Variants in MINDY3 observed in about 807,000 individuals in gnomAD.
The protein encoded by MINDY3 is MINDY lysine 48 deubiquitinase 3.
A neutral mutation model predicts 69.2 loss-of-function variants in MINDY3; 38 were observed. The observed-to-expected ratio is 0.55, with a 90% CI of 0.42 to 0.72. The LOEUF (loss-of-function observed/expected upper bound fraction) is 0.72, where lower values mean the gene tolerates loss of function less well. MINDY3 is among the 30% of genes least tolerant of loss of function. The probability of loss-of-function intolerance (pLI) is 0.00; values close to 1 mark genes in which losing one functional copy is unlikely to be tolerated. For missense variants in MINDY3, 522 were observed against 519.0 expected (o/e 1.01, Z -0.06); for synonymous variants, 192 against 180.1 (o/e 1.07, Z -0.53).
intron 13 of MINDY3, among the ~76,000 whole-genome samples, chr10:15,783,311 G>A (rs898753908): frequency 3.9e-5 from 6 of 152,124 alleles, no homozygotes; most frequent in Non-Finnish European, 7.4e-5. Flanking sequence ...TCTGTGACCT[G>A]CAATCATGAG....
chr10:15,795,928 G>C (rs1837786698), intron 11 of MINDY3, among the ~76,000 whole-genome samples, 172 bp downstream of exon 11: 1 of 151,966 alleles, frequency 6.6e-6, no homozygotes, highest in South Asian at 2.1e-4. Flanking sequence ...AAGGACTTGT[G>C]TGCTATTTCA....
chr10:15,782,787 G>A (rs573292476), intron 13 of MINDY3, among the ~76,000 whole-genome samples: 2 of 152,226 alleles, frequency 1.3e-5, no homozygotes, highest in East Asian at 1.9e-4. Context: ...TGCTTAAGGC[G>A]ATTTCAGTAA....
intron 10 of MINDY3, among the ~76,000 whole-genome samples, chr10:15,804,610 T>C (rs1033652557): frequency 2.6e-5 from 4 of 152,110 alleles, no homozygotes; most frequent in Non-Finnish European, 4.4e-5. Flanking sequence ...GCAGACAACA[T>C]ATTATAGTGT....
chr10:15,841,716 G>A, intron 3 of MINDY3, 117 bp from the exon 4 acceptor site: 1 of 546,996 alleles, frequency 1.8e-6, no homozygotes. Context: ...TAAAAATGGG[G>A]GAAAAATCTC....
In MINDY3 at chr10:15,793,024, G is replaced by A. The variant is rs536742107; in HGVS notation, c.955+3076C>T. Among the ~76,000 whole-genome samples the A allele has an allele frequency of 1.2e-4, 18 of 152,254 alleles. No homozygotes were observed. In the South Asian group the frequency reaches 3.5e-3, roughly 30 times the overall value. ...TCCAACATCACACAGCTAGTGAGGC[G>A]TAACGGATGGAGCCATTTTCCTGGT... On this transcript the variant is annotated intron_variant, in intron 11 of 14. Coordinates refer to ENST00000277632, the MANE Select transcript of MINDY3 (RefSeq NM_024948.4).
chr10:15,780,313 GC>G (rs1293370286), intron 14 of MINDY3, among the ~76,000 whole-genome samples: 1 of 151,934 alleles, frequency 6.6e-6, no homozygotes, highest in Non-Finnish European at 1.5e-5. Context: ...ACATTTTTTG[GC>G]ATCTTTATTT....
chr10:15,824,723 C>T (rs1588596464), intron 8 of MINDY3, among the ~76,000 whole-genome samples: 1 of 152,248 alleles, frequency 6.6e-6, no homozygotes, highest in East Asian at 1.9e-4. Context: ...CCTAGTGTTA[C>T]AATTAGATAC....
At chr10:15,813,998 A>G (rs1224548153) in intron 10 of MINDY3, among the ~76,000 whole-genome samples, 1 of 151,632 alleles carries the variant, frequency 6.6e-6, no homozygotes, top group Non-Finnish European at 1.5e-5. Context: ...AAAAAAAGAA[A>G]AAGAAAAAAG....
intron 1 of MINDY3, among the ~76,000 whole-genome samples, chr10:15,851,189 A>G (rs1212625495): frequency 6.6e-6 from 1 of 152,082 alleles, no homozygotes; most frequent in Non-Finnish European, 1.5e-5. Flanking sequence ...TTAAGTGCTA[A>G]TGTTCCCCAG....
At chr10:15,825,947 TAAAATA>T (rs974413944) in intron 8 of MINDY3, among the ~76,000 whole-genome samples, 15 of 152,036 alleles carry the variant, frequency 9.9e-5, no homozygotes, top group African/African-American at 3.4e-4. Flanking sequence ...AAGAAAATTA[TAAAATA>T]AAAATAATCA....
intron 10 of MINDY3, among the ~76,000 whole-genome samples, chr10:15,800,502 A>G (rs561778572): frequency 5.1e-4 from 78 of 152,276 alleles, no homozygotes; most frequent in African/African-American, 1.8e-3. Context: ...TGTGCAGCCC[A>G]TCACTCCAGT....
intron 10 of MINDY3, among the ~76,000 whole-genome samples, chr10:15,807,961 G>T (rs1215986265): frequency 6.6e-6 from 1 of 152,178 alleles, no homozygotes; most frequent in South Asian, 2.1e-4. Flanking sequence ...AAAAGCTTTA[G>T]TATTATTGTG....
intron 11 of MINDY3, among the ~76,000 whole-genome samples, chr10:15,790,174 A>G (rs1837302107): frequency 6.6e-6 from 1 of 152,124 alleles, no homozygotes; most frequent in African/African-American, 2.4e-5. Flanking sequence ...ACTACAGAAT[A>G]AAGTGTGCAG....
chr10:15,847,973 A>C, intron 1 of MINDY3, 30 bp from the exon 2 acceptor site: 4 of 1,556,466 alleles, frequency 2.6e-6, no homozygotes, highest in Non-Finnish European at 3.5e-6. Context: ...GGAAAGATTA[A>C]AAATATAATT....
chr10:15,848,453 T>C (rs1161805778), intron 1 of MINDY3, among the ~76,000 whole-genome samples: 1 of 151,520 alleles, frequency 6.6e-6, no homozygotes, highest in Non-Finnish European at 1.5e-5. Flanking sequence ...GCTAACATGA[T>C]GAAACCCCGT....
At chr10:15,854,308 G>GA (rs1388913098) in intron 1 of MINDY3, among the ~76,000 whole-genome samples, 16 of 152,228 alleles carry the variant, frequency 1.1e-4, no homozygotes, top group African/African-American at 3.6e-4. Flanking sequence ...AATTGCATAT[G>GA]TGAGGCCAGA....
chr10:15,787,685 A>G (rs1283915638), intron 12 of MINDY3, among the ~76,000 whole-genome samples: 1 of 152,172 alleles, frequency 6.6e-6, no homozygotes, highest in African/African-American at 2.4e-5. Context: ...AGGCTGCCTC[A>G]CAGACCTCCT....
At position 15,847,724 on chromosome 10, in the gene MINDY3, T is replaced by C. The variant is rs923493094; in HGVS notation, c.174+140A>G. 4 of 530,918 alleles carry C rather than the reference T, an allele frequency of 7.5e-6. No individual in the cohort carries two copies. The Admixed American group carries it at 9.7e-5, about 13-fold the overall frequency. The allele number at this position is 530,918 out of a possible 1,614,324, so 32.9% of individuals were successfully genotyped here. On this transcript the variant is annotated intron_variant, in intron 2 of 14. Transcript: ENST00000277632. Reference sequence around the variant, plus strand: ...AATTCATTTTTATTTTGGATATTTATTGTAATTTACATGAGCAAAAGTTAA... The same window carrying C: ...AATTCATTTTTATTTTGGATATTTACTGTAATTTACATGAGCAAAAGTTAA...
intron 10 of MINDY3, among the ~76,000 whole-genome samples, chr10:15,800,356 A>C (rs745962105): frequency 6.6e-6 from 1 of 152,182 alleles, no homozygotes; most frequent in Non-Finnish European, 1.5e-5. Context: ...ATGCAGTATC[A>C]GATCACAACA....
Sources: gnomAD v4.1 joint callset for allele counts (sites outside exome capture counted in the v4.1 genomes callset) on GRCh38, gnomAD v4.1.1 for gene constraint, MANE v1.5 for transcripts, NCBI Gene and HGNC (gene_info 2026-07-23, HGNC 2026-07-21) for gene names.